The following KHDRBS2 variants were observed in gnomAD, a reference collection of about 807,000 sequenced individuals.
KHDRBS2 encodes the protein KH RNA binding domain containing, signal transduction associated 2.
A neutral mutation model predicts 44.3 loss-of-function variants in KHDRBS2; 26 were observed. The ratio of observed to expected loss-of-function variants is 0.59; its 90% CI spans 0.43 to 0.81. The LOEUF is 0.81. Among genes scored for constraint, KHDRBS2 ranks in the 40% least tolerant of loss-of-function variants. The pLI is 0.00. For synonymous variants in KHDRBS2, 194 were observed against 151.1 expected (o/e 1.28, Z -2.08); for missense variants, 476 against 433.1 (o/e 1.10, Z -0.88).
chr6:61,544,893 T>A, the KHDRBS2 span, among the ~76,000 whole-genome samples: 1 of 151,804 alleles, frequency 6.6e-6, no homozygotes, highest in Admixed American at 6.6e-5. Flanking sequence ...GAACACATGG[T>A]CAGAGGAAGG....
chr6:62,182,825 T>G (rs965032620), intron 1 of KHDRBS2, among the ~76,000 whole-genome samples: 2 of 151,928 alleles, frequency 1.3e-5, no homozygotes, highest in Non-Finnish European at 2.9e-5. Context: ...CCTATATGTA[T>G]AGTTTAGTAT....
chr6:61,570,065 A>C, the KHDRBS2 span, among the ~76,000 whole-genome samples: 3 of 152,198 alleles, frequency 2.0e-5, no homozygotes, highest in Non-Finnish European at 4.4e-5. Context: ...CAATGGTTCC[A>C]AACCAAGAAG....
intron 2 of KHDRBS2, among the ~76,000 whole-genome samples, chr6:62,070,674 AT>A (rs1036503013): frequency 5.9e-5 from 9 of 152,020 alleles, no homozygotes; most frequent in Non-Finnish European, 1.3e-4. Flanking sequence ...TGAACTCATC[AT>A]TTTTTATGGC....
At chr6:62,106,769 G>T (rs1365920196) in intron 2 of KHDRBS2, among the ~76,000 whole-genome samples, 5 of 152,154 alleles carry the variant, frequency 3.3e-5, no homozygotes, top group Non-Finnish European at 5.9e-5. Flanking sequence ...TCATCCCTGG[G>T]ATGCAAGGCT....
the KHDRBS2 span, among the ~76,000 whole-genome samples, chr6:61,669,030 C>T: frequency 6.6e-6 from 1 of 150,802 alleles, no homozygotes; most frequent in African/African-American, 2.4e-5. Context: ...TTTAGGATAT[C>T]TCAACCTCCA....
intron 2 of KHDRBS2, among the ~76,000 whole-genome samples, chr6:62,097,722 T>C (rs558293692): frequency 6.6e-6 from 1 of 152,150 alleles, no homozygotes; most frequent in Non-Finnish European, 1.5e-5. Flanking sequence ...ATATTTAAGG[T>C]AATTACTGCT....
chr6:62,096,300 T>TA (rs1430734884), intron 2 of KHDRBS2, among the ~76,000 whole-genome samples: 2 of 152,024 alleles, frequency 1.3e-5, no homozygotes, highest in African/African-American at 4.8e-5. Flanking sequence ...GAATAATTGA[T>TA]ACCAGTTCTT....
At chr6:62,117,009 G>A (rs1396468677) in intron 2 of KHDRBS2, among the ~76,000 whole-genome samples, 1 of 152,076 alleles carries the variant, frequency 6.6e-6, no homozygotes, top group Non-Finnish European at 1.5e-5. Context: ...GAACAATTAT[G>A]AAGTCAACCA....
chr6:62,136,555 CT>C (rs1406325762), intron 2 of KHDRBS2, among the ~76,000 whole-genome samples: 2 of 152,102 alleles, frequency 1.3e-5, no homozygotes, highest in African/African-American at 4.8e-5. Flanking sequence ...ATGGCATTTG[CT>C]TTTGCTTTAG....
At chr6:61,989,480 T>C (rs1437548967) in intron 3 of KHDRBS2, among the ~76,000 whole-genome samples, 1 of 152,168 alleles carries the variant, frequency 6.6e-6, no homozygotes, top group Non-Finnish European at 1.5e-5. Flanking sequence ...TGACAAATGG[T>C]GCTGTCACAT....
chr6:61,566,824 T>G, the KHDRBS2 span, among the ~76,000 whole-genome samples: 1 of 152,050 alleles, frequency 6.6e-6, no homozygotes, highest in South Asian at 2.1e-4. Flanking sequence ...CTTCTTAGAG[T>G]ATGCATCAAA....
chr6:61,952,957 T>C (rs554022235), intron 4 of KHDRBS2, among the ~76,000 whole-genome samples: 4 of 152,178 alleles, frequency 2.6e-5, no homozygotes, highest in Admixed American at 2.6e-4. Flanking sequence ...TTTCTTTGTA[T>C]ATTCTGAATC....
intron 6 of KHDRBS2, among the ~76,000 whole-genome samples, chr6:61,836,304 G>A (rs1792656724): frequency 6.6e-6 from 1 of 151,942 alleles, no homozygotes; most frequent in Admixed American, 6.6e-5. Context: ...CTTAGTTAAT[G>A]TATTCCATAA....
chr6:62,275,958 C>T (rs1840870609), intron 1 of KHDRBS2, among the ~76,000 whole-genome samples: 1 of 152,184 alleles, frequency 6.6e-6, no homozygotes, highest in South Asian at 2.1e-4. Context: ...TTACTTGAGT[C>T]ATCCCTTTCT....
chr6:61,618,659 T>C, the KHDRBS2 span, among the ~76,000 whole-genome samples: 23 of 152,306 alleles, frequency 1.5e-4, no homozygotes, highest in Middle Eastern at 3.4e-3. Context: ...TTGTGCATTG[T>C]TCCTTTCCGT....
chr6:61,902,676 G>A (rs1219993945), intron 4 of KHDRBS2, among the ~76,000 whole-genome samples: 1 of 152,132 alleles, frequency 6.6e-6, no homozygotes, highest in African/African-American at 2.4e-5. Context: ...GGGTCCAGGA[G>A]TTAACACTAT....
chr6:61,699,710 A>G (rs1388721670), intron 7 of KHDRBS2, among the ~76,000 whole-genome samples: 4 of 152,096 alleles, frequency 2.6e-5, no homozygotes, highest in Non-Finnish European at 4.4e-5. Context: ...AGAAAAGTCT[A>G]TATATCAGAG....
chr6:61,572,007 C>A, the KHDRBS2 span, among the ~76,000 whole-genome samples: 1 of 151,740 alleles, frequency 6.6e-6, no homozygotes, highest in South Asian at 2.1e-4. Flanking sequence ...ACAAAAAATA[C>A]AAAAGATAAA....
At chr6:61,561,786 T>G in the KHDRBS2 span, among the ~76,000 whole-genome samples, 1 of 152,160 alleles carries the variant, frequency 6.6e-6, no homozygotes, top group South Asian at 2.1e-4. Flanking sequence ...AAAGACAGAA[T>G]AGTAGTTTTG....
Sources: gnomAD v4.1 joint callset for allele counts (sites outside exome capture counted in the v4.1 genomes callset) on GRCh38, gnomAD v4.1.1 for gene constraint, MANE v1.5 for transcripts, NCBI Gene and HGNC (gene_info 2026-07-23, HGNC 2026-07-21) for gene names.